FSTL1: variants seen among roughly 807,000 people sequenced by gnomAD.
FSTL1 encodes follistatin-related protein 1.
FSTL1 carries 24 observed loss-of-function variants against 45.9 expected under a neutral mutation model. That is an observed-to-expected ratio of 0.52 (90% CI 0.38 to 0.74). The LOEUF (loss-of-function observed/expected upper bound fraction) is 0.74, where lower values mean the gene tolerates loss of function less well. FSTL1 is among the 30% of genes least tolerant of loss of function. FSTL1 has a pLI of 0.00. For synonymous variants in FSTL1, 120 were observed against 137.6 expected, an observed-to-expected ratio of 0.87 and a Z score of 0.89; for missense variants, 340 against 381.8, an observed-to-expected ratio of 0.89 and a Z score of 0.91.
chr3:120,397,258 G>T (rs1936722071), intron 10 of FSTL1, among the ~76,000 whole-genome samples: 1 of 152,136 alleles, frequency 6.6e-6, no homozygotes, highest in Non-Finnish European at 1.5e-5. Flanking sequence ...AGACATTATG[G>T]TTCCCATTTT....
intron 6 of FSTL1, among the ~76,000 whole-genome samples, chr3:120,408,493 C>T (rs6799005): frequency 0.12 from 18,371 of 152,258 alleles, 1,270 homozygotes; most frequent in African/African-American, 0.17. Flanking sequence ...GAGAAATCCA[C>T]AGACTAGACT....
chr3:120,444,608 G>A (rs1937698218), intron 2 of FSTL1, among the ~76,000 whole-genome samples: 1 of 149,398 alleles, frequency 6.7e-6, no homozygotes, highest in South Asian at 2.1e-4. Flanking sequence ...TTTTTCGAGA[G>A]GAATTTTCCC....
chr3:120,402,059 C>G (rs1471029231), intron 9 of FSTL1, among the ~76,000 whole-genome samples: 5 of 152,256 alleles, frequency 3.3e-5, no homozygotes, highest in African/African-American at 4.8e-5. Context: ...TCATTGTAGC[C>G]CAGGACCCAG....
chr3:120,405,022 T>C, intron 6 of FSTL1, 51 bp from the exon 7 acceptor site: 1 of 928,882 alleles, frequency 1.1e-6, no homozygotes, highest in Non-Finnish European at 1.8e-6. Flanking sequence ...GAACCCCTGT[T>C]CCATCATTAC....
Position 120,404,896 on chromosome 3 carries a change from T to G in FSTL1, c.538A>C (p.Asn180His), listed in dbSNP as rs1028889387. The G allele has an allele frequency of 1.9e-6, 3 of 1,602,698 alleles. No homozygotes were observed. Among genetic ancestry groups the G allele is most frequent in the Non-Finnish European group, 1.7e-6 (2 of 1,169,486 alleles). The change falls in exon 7 of 11, where the codon AAT becomes CAT. Residue 180 changes from asparagine (N) to histidine (H), a missense_variant. By Grantham distance (68) the Asn-to-His change is moderately conservative. Coordinates refer to ENST00000295633, the MANE Select transcript of FSTL1 (RefSeq NM_007085.5). ...TCCTGGTCTGGATACGTTGTAATAT[T>G]GATGGCAGTTTCATTCTGTTCCACA... ...KFVEQNETAI[N>H]ITTYPDQENN...
intron 3 of FSTL1, among the ~76,000 whole-genome samples, chr3:120,414,654 T>A (rs1395912194): frequency 1.3e-5 from 2 of 152,004 alleles, no homozygotes; most frequent in African/African-American, 4.8e-5. Context: ...TAAGAAAACT[T>A]CTTCTGCCTT....
intron 2 of FSTL1, among the ~76,000 whole-genome samples, chr3:120,444,049 G>A (rs1224517472): frequency 6.7e-6 from 1 of 149,800 alleles, no homozygotes; most frequent in Non-Finnish European, 1.5e-5. Flanking sequence ...TGTTGACTGG[G>A]CCAATGTTAG....
chr3:120,412,834 GCGCGCA>G (rs1553702981), intron 3 of FSTL1, among the ~76,000 whole-genome samples: 365 of 77,526 alleles, frequency 4.7e-3, no homozygotes, highest in African/African-American at 9.5e-3. Flanking sequence ...GCGCGCGCGC[GCGCGCA>G]CACACACACA....
At chr3:120,402,945 A>C (rs776588274) in intron 8 of FSTL1, 27 bp from the exon 9 acceptor site, 1 of 1,424,464 alleles carries the variant, frequency 7.0e-7, no homozygotes, top group Admixed American at 1.7e-5. Context: ...ACGGGGCAAC[A>C]GTTTAGCTGT....
intron 2 of FSTL1, among the ~76,000 whole-genome samples, chr3:120,447,136 T>C (rs1392772739): frequency 6.6e-6 from 1 of 152,124 alleles, no homozygotes; most frequent in African/African-American, 2.4e-5. Flanking sequence ...GTGACAGATA[T>C]CCACTGACTG....
intron 2 of FSTL1, among the ~76,000 whole-genome samples, chr3:120,434,351 A>G (rs1188232171): frequency 6.6e-6 from 1 of 152,214 alleles, no homozygotes; most frequent in Non-Finnish European, 1.5e-5. Context: ...GGTCCATTCT[A>G]GAGTCACTAC....
At chr3:120,428,470 T>C (rs1259300) in intron 2 of FSTL1, among the ~76,000 whole-genome samples, 142,599 of 152,266 alleles carry the variant, frequency 0.94, 67,447 homozygotes, top group Non-Finnish European at 1. Flanking sequence ...CAGTGGCTCA[T>C]ACCTGTAATC....
At chr3:120,436,026 T>C (rs1359653195) in intron 2 of FSTL1, among the ~76,000 whole-genome samples, 1 of 151,650 alleles carries the variant, frequency 6.6e-6, no homozygotes. Flanking sequence ...TGGTTGTTTT[T>C]ACAGGATTTC....
At chr3:120,433,073 G>A (rs1362802011) in intron 2 of FSTL1, among the ~76,000 whole-genome samples, 1 of 152,198 alleles carries the variant, frequency 6.6e-6, no homozygotes, top group Non-Finnish European at 1.5e-5. Context: ...CAAAGACAAA[G>A]GTGACTAGTG....
At chr3:120,399,644 T>C (rs1005121789) in intron 10 of FSTL1, among the ~76,000 whole-genome samples, 1 of 152,214 alleles carries the variant, frequency 6.6e-6, no homozygotes, top group African/African-American at 2.4e-5. Flanking sequence ...TTTTGCCTTA[T>C]GCAGCCACTC....
At chr3:120,432,600 G>C (rs957144558) in intron 2 of FSTL1, among the ~76,000 whole-genome samples, 2 of 152,126 alleles carry the variant, frequency 1.3e-5, no homozygotes, top group African/African-American at 2.4e-5. Context: ...AGTTGCTATG[G>C]ATAGATTATC....
At chr3:120,399,205 G>C (rs1163644258) in intron 10 of FSTL1, among the ~76,000 whole-genome samples, 2 of 152,056 alleles carry the variant, frequency 1.3e-5, no homozygotes, top group Non-Finnish European at 2.9e-5. Flanking sequence ...TAATAAGCCA[G>C]TAGGAGGATG....
rs1050254064 is a variant in FSTL1, at chr3:120,395,794, G to A, written c.*1158C>T. The A allele has an allele frequency of 2.0e-6, 1 of 500,734 alleles. No homozygotes were observed. The highest frequency in any genetic ancestry group is 2.0e-5 in the African/African-American group (1 of 49,978). 31.0% of individuals were successfully genotyped at this position (500,734 alleles called of 1,614,324 possible). A position where few individuals can be genotyped will look rare whatever the true frequency, so the allele number is the denominator to read the frequency against. ...TAGTGCATTCTTACCAGCTCACTGA[G>A]GAAACTGAGGTCCAGAAAAAAGAAG... is the stretch of plus-strand genomic sequence containing the variant. On this transcript the variant is annotated 3_prime_UTR_variant, in exon 11 of 11. Coordinates refer to ENST00000295633, the MANE Select transcript of FSTL1 (RefSeq NM_007085.5).
intron 7 of FSTL1, among the ~76,000 whole-genome samples, chr3:120,404,580 G>T (rs1325084266): frequency 6.6e-6 from 1 of 152,160 alleles, no homozygotes; most frequent in African/African-American, 2.4e-5. Context: ...GAAATAACTT[G>T]CTCTGACGTG....
Sources: allele counts gnomAD v4.1 joint callset (sites outside exome capture counted in the v4.1 genomes callset), GRCh38; gene constraint gnomAD v4.1.1; transcripts MANE v1.5; gene names NCBI Gene and HGNC (gene_info 2026-07-23, HGNC 2026-07-21).